Variants in MOV10 observed in about 807,000 individuals in gnomAD.
The protein encoded by MOV10 is Mov10 RNA helicase, also known as RNA helicase MOV-10.
MOV10 carries 39 observed loss-of-function variants against 108.4 expected under a neutral mutation model. The observed-to-expected ratio is 0.36, with a 90% CI of 0.28 to 0.47. The LOEUF (loss-of-function observed/expected upper bound fraction) is 0.47, where lower values mean the gene tolerates loss of function less well. Ranked by LOEUF, MOV10 falls within the 20% of genes least tolerant of loss-of-function variation. The pLI, the probability that MOV10 is intolerant of heterozygous loss-of-function variation, is 1.00. For missense variants in MOV10, 952 were observed against 1,297.6 expected (o/e 0.73, Z 4.09); for synonymous variants, 490 against 523.1 (o/e 0.94, Z 0.86).
At chr1:112,698,839 GC>G (rs1409068355) in intron 17 of MOV10, 50 bp downstream of exon 17, 2 of 1,512,692 alleles carry the variant, frequency 1.3e-6, no homozygotes, top group Non-Finnish European at 9.2e-7. Flanking sequence ...GCCCCCACTT[GC>G]CCACTTCCAG....
chr1:112,698,145 C>T, intron 15 of MOV10, 34 bp downstream of exon 15: 11 of 1,601,356 alleles, frequency 6.9e-6, no homozygotes, highest in Non-Finnish European at 8.6e-6. Flanking sequence ...CACCCCTGTA[C>T]CCTGACTTCC....
chr1:112,676,783 C>T (rs544137174), intron 2 of MOV10, among the ~76,000 whole-genome samples: 1 of 152,248 alleles, frequency 6.6e-6, no homozygotes, highest in African/African-American at 2.4e-5. Context: ...CTTCAGTATT[C>T]TTGCTAAAAC....
chr1:112,685,580 G>A (rs1373143540), intron 2 of MOV10, among the ~76,000 whole-genome samples: 2 of 151,532 alleles, frequency 1.3e-5, no homozygotes, highest in Admixed American at 1.3e-4. Flanking sequence ...ACTTGAACCC[G>A]GGAGGCAGAG....
At position 112,689,858 on chromosome 1, in the gene MOV10, A is replaced by G. The variant is rs768468337; in HGVS notation, c.596A>G (p.His199Arg). 2.5e-6 allele frequency: 4 copies of G among 1,613,962 alleles called. No individual in the cohort carries two copies. The East Asian group carries it at 6.7e-5, about 27-fold the overall frequency. Residue 199 changes from histidine to arginine, a missense_variant, in exon 5 of 21, where the codon CAT becomes CGT. By Grantham distance (29) the His-to-Arg change is conservative. Transcript: ENST00000369645. ...PLGPGECYEL[H>R]VHCKTSFVGY... The stretch of plus-strand genomic sequence containing the variant: ...CCTCCAGGTGAATGCTATGAACTCC[A>G]TGTCCATTGTAAGACCAGCTTTGTG...
At position 112,675,589 on chromosome 1, in the gene MOV10, A is replaced by G. The variant is rs1446685300; in HGVS notation, c.137+540A>G. 1.3e-5 allele frequency among the ~76,000 whole-genome samples: 2 copies of G among 152,226 alleles called. No individual in the cohort carries two copies. Among genetic ancestry groups the G allele is most frequent in the Non-Finnish European group, 2.9e-5 (2 of 68,028 alleles). On this transcript the variant is annotated intron_variant, in intron 2 of 20. Transcript: ENST00000369645. The surrounding 1 kb of genome is among the most constrained non-coding windows in gnomAD (Gnocchi z 4.7). ...GGGAGAAGCTCAGGAAGCTCTGGAAAGAAGAAAAGGGCACAAACTACGTGC... is the reference window on the plus strand; with the variant it reads ...GGGAGAAGCTCAGGAAGCTCTGGAAGGAAGAAAAGGGCACAAACTACGTGC...
chr1:112,674,820 C>G, intron 1 of MOV10, 28 bp from the exon 2 acceptor site: 4 of 1,323,832 alleles, frequency 3.0e-6, no homozygotes, highest in Non-Finnish European at 4.1e-6. Flanking sequence ...TCCTGCTGCA[C>G]CCTCATCTCA....
At chr1:112,695,697 C>A in intron 11 of MOV10, 123 bp downstream of exon 11, 1 of 1,083,086 alleles carries the variant, frequency 9.2e-7, no homozygotes, top group Non-Finnish European at 1.3e-6. Context: ...TTGGGTTGGA[C>A]AGGACCCCTC....
At chr1:112,685,731 T>C (rs1673028726) in intron 2 of MOV10, among the ~76,000 whole-genome samples, 2 of 151,238 alleles carry the variant, frequency 1.3e-5, no homozygotes, top group Admixed American at 6.6e-5. Flanking sequence ...AATACAAGGA[T>C]TGGGGCTTTT....
At chr1:112,691,626 G>A (rs370675230) in intron 5 of MOV10, 39 bp from the exon 6 acceptor site, 3 of 1,604,328 alleles carry the variant, frequency 1.9e-6, no homozygotes, top group African/African-American at 2.7e-5. Flanking sequence ...GTGTTGGAGG[G>A]TGAGGGGTTT....
At chr1:112,687,329 G>C (rs758658225) in intron 2 of MOV10, among the ~76,000 whole-genome samples, 1 of 152,148 alleles carries the variant, frequency 6.6e-6, no homozygotes, top group Admixed American at 6.5e-5. Flanking sequence ...CAGGCAGCAG[G>C]CACCTGAAAA....
intron 17 of MOV10, 194 bp downstream of exon 17, chr1:112,698,983 C>G: frequency 1.7e-6 from 1 of 597,936 alleles, no homozygotes; most frequent in Admixed American, 3.0e-5. Context: ...ATCAGGAAGC[C>G]TGCATGTTTA....
chr1:112,683,118 CTG>C, intron 2 of MOV10, among the ~76,000 whole-genome samples: 1 of 151,636 alleles, frequency 6.6e-6, no homozygotes, highest in South Asian at 2.1e-4. Context: ...CGGGGTTTCA[CTG>C]TGTTTGCCAC....
chr1:112,699,351 C>T, intron 17 of MOV10: 1 of 650,952 alleles, frequency 1.5e-6, no homozygotes, highest in African/African-American at 1.9e-5. Context: ...GGGTTAGGGC[C>T]CAGGGTTGTA....
chr1:112,692,718 C>A, intron 6 of MOV10, 43 bp from the exon 7 acceptor site: 1 of 1,608,278 alleles, frequency 6.2e-7, no homozygotes, highest in Non-Finnish European at 8.5e-7. Flanking sequence ...TCTGGCCCAT[C>A]CTGTTCCTGC....
rs1264092674 is a variant in MOV10, at chr1:112,675,847, G to GTAA, written c.137+799_137+801dup. ...AAAACCAAGAAGCAGTTTAACAAGG[G>GTAA]TAAACGTAAAGACTTGTACAAATAA... On this transcript the variant is annotated intron_variant, in intron 2 of 20. Coordinates refer to ENST00000369645, the MANE Select transcript of MOV10 (RefSeq NM_001321324.2). The surrounding 1 kb of genome is among the most constrained non-coding windows in gnomAD (Gnocchi z 4.7). Among the ~76,000 whole-genome samples the GTAA allele has an allele frequency of 6.6e-6, 1 of 152,214 alleles. No individual in the cohort carries two copies. Among genetic ancestry groups the GTAA allele is most frequent in the African/African-American group, 2.4e-5 (1 of 41,464 alleles).
chr1:112,682,234 G>T (rs557525100), intron 2 of MOV10, among the ~76,000 whole-genome samples: 3 of 152,102 alleles, frequency 2.0e-5, no homozygotes, highest in East Asian at 1.9e-4. Flanking sequence ...TTGGTTTTTT[G>T]TTTTTTTAAG....
chr1:112,682,142 G>A (rs977623138), intron 2 of MOV10, among the ~76,000 whole-genome samples: 5 of 152,242 alleles, frequency 3.3e-5, no homozygotes, highest in Middle Eastern at 6.8e-3. Context: ...TGATCCACCC[G>A]CCTTGGCCTC....
intron 2 of MOV10, among the ~76,000 whole-genome samples, chr1:112,679,063 A>G (rs1672424830): frequency 6.6e-6 from 1 of 152,154 alleles, no homozygotes; most frequent in African/African-American, 2.4e-5. Flanking sequence ...TCCATAGTCT[A>G]TAGATTGTGA....
rs370085231 is a variant in MOV10 at position 112,693,426 on chromosome 1, G to A, written c.1140+497G>A. On this transcript the variant is annotated intron_variant, in intron 7 of 20. Transcript: ENST00000369645. Reference sequence around the variant, plus strand: ...GGGTCTCACCCTGGTGCTCAGGCTGGAGTGCAATGGCATGATCTTGGCTCG... The same window carrying A: ...GGGTCTCACCCTGGTGCTCAGGCTGAAGTGCAATGGCATGATCTTGGCTCG... Among the ~76,000 whole-genome samples the A allele has an allele frequency of 3.1e-3, 465 of 152,320 alleles. 4 individuals are homozygous for A. The highest frequency in any genetic ancestry group is 0.011 in the African/African-American group (438 of 41,566).
Sources: gnomAD v4.1 joint callset for allele counts (sites outside exome capture counted in the v4.1 genomes callset) on GRCh38, gnomAD v4.1.1 for gene constraint, Gnocchi (gnomAD v3.1) non-coding constraint, MANE v1.5 for transcripts, NCBI Gene and HGNC (gene_info 2026-07-23, HGNC 2026-07-21) for gene names.